The following TMEM71 variants were observed in gnomAD, a reference collection of about 807,000 sequenced individuals.
TMEM71 encodes transmembrane protein 71.
In TMEM71, 44 loss-of-function variants were observed where a neutral mutation model predicts 38.0. That is an observed-to-expected ratio of 1.16 (90% CI 0.91 to 1.49). TMEM71 has a LOEUF of 1.49. TMEM71 is among the 40% of genes most tolerant of loss of function. The pLI is 0.00. For synonymous variants in TMEM71, 133 were observed against 122.5 expected (o/e 1.09, Z -0.56); for missense variants, 367 against 348.6 (o/e 1.05, Z -0.42).
At chr8:132,727,289 C>T (rs1827198052) in intron 6 of TMEM71, among the ~76,000 whole-genome samples, 1 of 150,194 alleles carries the variant, frequency 6.7e-6, no homozygotes, top group African/African-American at 2.5e-5. Context: ...TGGAGTCTCG[C>T]TCTGTCACCC....
chr8:132,734,985 A>G (rs115845861), intron 5 of TMEM71, among the ~76,000 whole-genome samples: 110 of 152,320 alleles, frequency 7.2e-4, no homozygotes, highest in African/African-American at 2.6e-3. Flanking sequence ...CATCTCAAAG[A>G]TATTTATGTG....
the TMEM71 span, among the ~76,000 whole-genome samples, chr8:132,771,230 C>T: frequency 6.6e-6 from 1 of 152,168 alleles, no homozygotes; most frequent in Admixed American, 6.5e-5. Flanking sequence ...TTGTCTGGAA[C>T]TGTCCAGGAT....
At chr8:132,718,325 T>C (rs889090400) in intron 7 of TMEM71, among the ~76,000 whole-genome samples, 8 of 151,826 alleles carry the variant, frequency 5.3e-5, no homozygotes, top group Admixed American at 5.2e-4. Context: ...TGAAAAGGCC[T>C]GGCCAGGTCA....
chr8:132,721,877 G>C (rs1826870577), intron 7 of TMEM71, among the ~76,000 whole-genome samples, 163 bp downstream of exon 7: 1 of 151,996 alleles, frequency 6.6e-6, no homozygotes, highest in Admixed American at 6.6e-5. Context: ...GATAGAGGTG[G>C]GCAATGAGAG....
the TMEM71 span, among the ~76,000 whole-genome samples, chr8:132,773,449 A>G: frequency 5.9e-5 from 9 of 152,228 alleles, no homozygotes; most frequent in African/African-American, 1.9e-4. Flanking sequence ...GATTCTCAAC[A>G]AATAGTTGGG....
At chr8:132,775,607 C>T in the TMEM71 span, 11 of 344,284 alleles carry the variant, frequency 3.2e-5, no homozygotes, top group Non-Finnish European at 5.8e-5. Flanking sequence ...AGCTCGGCCC[C>T]GGACGGCCCG....
At chr8:132,754,297 C>T (rs906539476) in intron 3 of TMEM71, among the ~76,000 whole-genome samples, 3 of 152,136 alleles carry the variant, frequency 2.0e-5, no homozygotes, top group Non-Finnish European at 4.4e-5. Flanking sequence ...CCACCCTGAA[C>T]GTGCCTGATC....
At chr8:132,770,897 T>A in the TMEM71 span, among the ~76,000 whole-genome samples, 2 of 152,186 alleles carry the variant, frequency 1.3e-5, no homozygotes, top group African/African-American at 4.8e-5. Context: ...TGTTGCATTT[T>A]AACAGACCAT....
At chr8:132,770,026 AG>A in the TMEM71 span, among the ~76,000 whole-genome samples, 2 of 152,220 alleles carry the variant, frequency 1.3e-5, no homozygotes, top group Non-Finnish European at 2.9e-5. Flanking sequence ...CAATTTGTAT[AG>A]CTGCTGTGTT....
chr8:132,713,470 A>G (rs1826343151), intron 9 of TMEM71, among the ~76,000 whole-genome samples: 1 of 152,212 alleles, frequency 6.6e-6, no homozygotes, highest in South Asian at 2.1e-4. Context: ...TAATTAACAC[A>G]GTCCATCGTG....
At chr8:132,733,047 G>A (rs759188980) in intron 5 of TMEM71, among the ~76,000 whole-genome samples, 3 of 152,200 alleles carry the variant, frequency 2.0e-5, no homozygotes, top group Admixed American at 1.3e-4. Flanking sequence ...TTTCCTGGTT[G>A]TACTTAATCT....
At chr8:132,714,432 T>C (rs1033461719) in intron 7 of TMEM71, among the ~76,000 whole-genome samples, 1 of 152,142 alleles carries the variant, frequency 6.6e-6, no homozygotes, top group Admixed American at 6.5e-5. Flanking sequence ...CTGATTTTAA[T>C]TGAGGCGCAG....
chr8:132,752,470 C>T (rs1247020651), intron 3 of TMEM71, among the ~76,000 whole-genome samples: 1 of 152,130 alleles, frequency 6.6e-6, no homozygotes, highest in Middle Eastern at 3.2e-3. Flanking sequence ...AAATTTCCCT[C>T]CAGGCTGGCT....
intron 5 of TMEM71, among the ~76,000 whole-genome samples, chr8:132,740,363 T>C (rs1243705230): frequency 6.6e-6 from 1 of 152,218 alleles, no homozygotes; most frequent in African/African-American, 2.4e-5. Context: ...ACCATTTTAT[T>C]TACATTTGCA....
At chr8:132,725,637 A>G (rs1827102715) in intron 6 of TMEM71, among the ~76,000 whole-genome samples, 2 of 152,228 alleles carry the variant, frequency 1.3e-5, no homozygotes, top group Non-Finnish European at 2.9e-5. Context: ...TGAAGGGCTT[A>G]ATGGAAGATG....
At chr8:132,759,516 A>G (rs898998402) in intron 1 of TMEM71, 3 of 152,224 alleles carry the variant, frequency 2.0e-5, no homozygotes, top group African/African-American at 7.2e-5. Flanking sequence ...CTTAGTTCCC[A>G]TGAAGACATG....
intron 5 of TMEM71, among the ~76,000 whole-genome samples, chr8:132,736,904 G>A (rs929872007): frequency 1.3e-5 from 2 of 152,000 alleles, no homozygotes; most frequent in African/African-American, 2.4e-5. Flanking sequence ...GTAAGTATAC[G>A]AGGTGATGGA....
At chr8:132,766,749 T>C in the TMEM71 span, among the ~76,000 whole-genome samples, 1 of 147,344 alleles carries the variant, frequency 6.8e-6, no homozygotes, top group African/African-American at 2.5e-5. Flanking sequence ...CAACATTGCG[T>C]ACCCTAACCC....
intron 5 of TMEM71, among the ~76,000 whole-genome samples, chr8:132,745,962 A>G (rs1394664161): frequency 1.3e-5 from 2 of 149,478 alleles, no homozygotes; most frequent in Non-Finnish European, 3.0e-5. Context: ...TGGGAGTTAA[A>G]CAGTGGATAT....
Sources: gnomAD v4.1 joint callset for allele counts (sites outside exome capture counted in the v4.1 genomes callset) on GRCh38, gnomAD v4.1.1 for gene constraint, MANE v1.5 for transcripts, NCBI Gene and HGNC (gene_info 2026-07-23, HGNC 2026-07-21) for gene names.